The following TMEM50B variants were observed in gnomAD, a reference collection of about 807,000 sequenced individuals.
The protein encoded by TMEM50B is HCV p7-trans-regulated protein 3.
In TMEM50B, 14 loss-of-function variants were observed where a neutral mutation model predicts 23.4. The ratio of observed to expected loss-of-function variants is 0.60; its 90% CI spans 0.39 to 0.93. The LOEUF is 0.93. Ranked by LOEUF, TMEM50B falls within the 40% of genes least tolerant of loss-of-function variation. TMEM50B has a pLI of 0.00. For synonymous variants in TMEM50B, 64 were observed against 62.3 expected, an observed-to-expected ratio of 1.03 and a Z score of -0.13; for missense variants, 159 against 193.0, an observed-to-expected ratio of 0.82 and a Z score of 1.04.
At chr21:33,455,663 T>A in intron 6 of TMEM50B, 64 bp downstream of exon 6, 2 of 1,322,506 alleles carry the variant, frequency 1.5e-6, no homozygotes, top group Non-Finnish European at 2.2e-6. Flanking sequence ...ATATATATGC[T>A]GCCTTAATTA....
intron 5 of TMEM50B, among the ~76,000 whole-genome samples, chr21:33,456,396 C>T (rs983090769): frequency 1.3e-5 from 2 of 152,134 alleles, no homozygotes; most frequent in African/African-American, 4.8e-5. Flanking sequence ...GCAAATATGT[C>T]AGATATAAAT....
chr21:33,446,085 A>C (rs1316407368), downstream of TMEM50B, among the ~76,000 whole-genome samples: 1 of 152,042 alleles, frequency 6.6e-6, no homozygotes, highest in African/African-American at 2.4e-5. Context: ...TATTCCCCAT[A>C]ATCAGGCTGG....
chr21:33,459,217 A>G (rs904522530), intron 5 of TMEM50B, among the ~76,000 whole-genome samples: 2 of 152,210 alleles, frequency 1.3e-5, no homozygotes, highest in African/African-American at 4.8e-5. Flanking sequence ...TTTCATCACT[A>G]CTGTGAATGA....
At chr21:33,478,368 G>A (rs1291565847) in intron 1 of TMEM50B, among the ~76,000 whole-genome samples, 2 of 152,092 alleles carry the variant, frequency 1.3e-5, no homozygotes, top group African/African-American at 4.8e-5. Context: ...TCGGGAGGCT[G>A]AGGCTGTAAA....
chr21:33,446,666 A>C (rs1233962579), downstream of TMEM50B, among the ~76,000 whole-genome samples: 9 of 148,134 alleles, frequency 6.1e-5, no homozygotes, highest in African/African-American at 2.2e-4. Context: ...AAAAAAAAAA[A>C]AAAAAAAAAA....
At chr21:33,455,116 C>T (rs997335769) in intron 6 of TMEM50B, among the ~76,000 whole-genome samples, 55 of 150,650 alleles carry the variant, frequency 3.7e-4, no homozygotes, top group African/African-American at 1.3e-3. Flanking sequence ...GAGACTCCCT[C>T]GCAAAAAATA....
intron 4 of TMEM50B, among the ~76,000 whole-genome samples, chr21:33,463,720 C>A (rs181248296): frequency 7.0e-4 from 106 of 152,202 alleles, no homozygotes; most frequent in African/African-American, 2.5e-3. Flanking sequence ...GAGATCAAGA[C>A]CAGCCTGAAC....
chr21:33,474,888 G>C (rs145891468), intron 1 of TMEM50B, among the ~76,000 whole-genome samples: 2 of 116,618 alleles, frequency 1.7e-5, no homozygotes, highest in African/African-American at 6.5e-5. Context: ...TCAGGACAGA[G>C]GCTACCTCTG....
Sources: allele counts gnomAD v4.1 joint callset (sites outside exome capture counted in the v4.1 genomes callset), GRCh38; gene constraint gnomAD v4.1.1; transcripts MANE v1.5; gene names NCBI Gene and HGNC (gene_info 2026-07-23, HGNC 2026-07-21).